Variants in USP3 observed in about 807,000 individuals in gnomAD.
USP3 encodes the protein ubiquitin carboxyl-terminal hydrolase 3.
A neutral mutation model predicts 72.3 loss-of-function variants in USP3; 20 were observed. That is an observed-to-expected ratio of 0.28 (90% CI 0.19 to 0.40). USP3 has a LOEUF of 0.40. Among genes scored for constraint, USP3 ranks in the 10% least tolerant of loss-of-function variants. USP3 has a pLI of 1.00. For missense variants in USP3, 479 were observed against 633.9 expected, an observed-to-expected ratio of 0.76 and a Z score of 2.62; for synonymous variants, 222 against 225.3, an observed-to-expected ratio of 0.99 and a Z score of 0.13.
intron 1 of USP3, among the ~76,000 whole-genome samples, chr15:63,512,585 C>T (rs1218249250): frequency 6.6e-6 from 1 of 152,058 alleles, no homozygotes; most frequent in Non-Finnish European, 1.5e-5. Flanking sequence ...GTTGGAATTA[C>T]AGGCAGCCAC....
intron 2 of USP3, 58 bp from the exon 3 acceptor site, chr15:63,536,967 C>G (rs1240010935): frequency 2.0e-6 from 3 of 1,516,562 alleles, no homozygotes; most frequent in South Asian, 1.3e-5. Flanking sequence ...TCATCATTTC[C>G]TACTCCTTTA....
At chr15:63,518,771 C>T (rs1211826398) in intron 1 of USP3, among the ~76,000 whole-genome samples, 1 of 151,766 alleles carries the variant, frequency 6.6e-6, no homozygotes, top group Non-Finnish European at 1.5e-5. Context: ...AAGAACAGGT[C>T]TCTTTTTTTT....
chr15:63,507,240 G>A (rs539186660), intron 1 of USP3, among the ~76,000 whole-genome samples: 3 of 152,252 alleles, frequency 2.0e-5, no homozygotes, highest in South Asian at 4.1e-4. Context: ...TAATGCCCTT[G>A]CCTTATTTTC....
intron 5 of USP3, among the ~76,000 whole-genome samples, chr15:63,557,734 A>G (rs966035658): frequency 5.9e-5 from 9 of 152,200 alleles, no homozygotes; most frequent in African/African-American, 2.2e-4. Flanking sequence ...TGGGGTGTAT[A>G]TATTTATATT....
At chr15:63,545,416 A>G (rs1187192630) in intron 3 of USP3, among the ~76,000 whole-genome samples, 2 of 152,178 alleles carry the variant, frequency 1.3e-5, no homozygotes, top group East Asian at 1.9e-4. Flanking sequence ...ATTTGGCTCA[A>G]TGAATTTGGA....
chr15:63,519,443 T>A lies in USP3; in HGVS notation c.92-13204T>A, dbSNP rs530571976. On this transcript the variant is annotated intron_variant, in intron 1 of 14. Coordinates refer to ENST00000380324, the MANE Select transcript of USP3 (RefSeq NM_006537.4). ...TGAGTTTTCAGAGGTTTCTTCATGGTTAGATTCAGGTAATGCATTTTTGGT... is the reference window on the plus strand; with the variant it reads ...TGAGTTTTCAGAGGTTTCTTCATGGATAGATTCAGGTAATGCATTTTTGGT... Among the ~76,000 whole-genome samples, 54 of 152,294 alleles carry A rather than the reference T, an allele frequency of 3.5e-4. 1 individual carries two copies. In the East Asian group the frequency reaches 0.01, roughly 28 times the overall value.
At chr15:63,556,051 A>G (rs1359978532) in intron 4 of USP3, among the ~76,000 whole-genome samples, 1 of 152,198 alleles carries the variant, frequency 6.6e-6, no homozygotes, top group African/African-American at 2.4e-5. Flanking sequence ...TTTAAGCAAA[A>G]TATTTCTTAC....
intron 3 of USP3, among the ~76,000 whole-genome samples, chr15:63,545,633 A>G (rs1227804684): frequency 2.0e-5 from 3 of 151,522 alleles, no homozygotes; most frequent in Non-Finnish European, 4.4e-5. Flanking sequence ...CTTTCTTTCT[A>G]TTAAATATAG....
At chr15:63,532,839 C>T in intron 2 of USP3, 132 bp downstream of exon 2, 1 of 913,536 alleles carries the variant, frequency 1.1e-6, no homozygotes, top group South Asian at 1.6e-5. Context: ...TGTAGGGCTT[C>T]CTTCTCCAGT....
chr15:63,552,534 G>A (rs956637021), intron 3 of USP3, among the ~76,000 whole-genome samples: 2 of 152,078 alleles, frequency 1.3e-5, no homozygotes, highest in African/African-American at 4.8e-5. Flanking sequence ...TTAGACGCTC[G>A]GAGAATATGT....
chr15:63,593,540 C>A lies in USP3; in HGVS notation c.*2714C>A, dbSNP rs2067241396. On this transcript the variant is annotated 3_prime_UTR_variant, in exon 15 of 15. Transcript: ENST00000380324. ...CTACTTTGTCGGGCAGAGTGGTCTT[C>A]AGACAGGTGATGCTGTTGGCTTAAG... 1 of 152,242 alleles carries A rather than the reference C, an allele frequency of 6.6e-6. No individual in the cohort carries two copies. The highest frequency in any genetic ancestry group is 2.4e-5 in the African/African-American group (1 of 41,466). The allele number at this position is 152,242 out of a possible 1,614,324, so 9.4% of individuals were successfully genotyped here.
intron 6 of USP3, 90 bp downstream of exon 6, chr15:63,558,278 CAT>C: frequency 7.0e-7 from 1 of 1,425,630 alleles, no homozygotes; most frequent in Non-Finnish European, 9.8e-7. Flanking sequence ...TAACTCTAGT[CAT>C]ATGGTTTGGA....
Position 63,584,098 on chromosome 15 carries a change from T to G in USP3, c.1097-4207T>G, listed in dbSNP as rs77269983. The stretch of plus-strand genomic sequence containing the variant: ...AGCAAGGTACAACGGTTTTGTTTTT[T>G]TTTTTTTTTTTTTTTTTGAGATGGA... On this transcript the variant is annotated intron_variant, in intron 11 of 14. Transcript: ENST00000380324. 3.5e-3 allele frequency among the ~76,000 whole-genome samples: 488 copies of G among 140,420 alleles called. 2 individuals are homozygous for G. Among genetic ancestry groups the G allele is most frequent in the African/African-American group, 0.012 (428 of 35,900 alleles). The allele number at this position is 140,420 out of a possible 152,430, so 92.1% of individuals were successfully genotyped here. A position where few individuals can be genotyped will look rare whatever the true frequency, so the allele number is the denominator to read the frequency against.
chr15:63,548,961 C>G (rs1409642329), intron 3 of USP3, among the ~76,000 whole-genome samples: 4 of 152,052 alleles, frequency 2.6e-5, no homozygotes, highest in Non-Finnish European at 1.5e-5. Flanking sequence ...CCTACATTAG[C>G]AGTGTTATAT....
At chr15:63,557,131 C>T (rs1290615821) in intron 5 of USP3, among the ~76,000 whole-genome samples, 5 of 152,224 alleles carry the variant, frequency 3.3e-5, no homozygotes, top group South Asian at 4.1e-4. Flanking sequence ...AGTACAGTGG[C>T]GCAGTCTCGG....
At chr15:63,578,285 A>G (rs4984302) in intron 11 of USP3, among the ~76,000 whole-genome samples, 121,649 of 151,746 alleles carry the variant, frequency 0.8, 50,570 homozygotes, top group Non-Finnish European at 0.86. Context: ...AAAACAAAGA[A>G]AAGAAAAAAC....
At chr15:63,577,919 A>G (rs1162174965) in intron 11 of USP3, among the ~76,000 whole-genome samples, 1 of 116,896 alleles carries the variant, frequency 8.6e-6, no homozygotes, top group African/African-American at 3.5e-5. Context: ...AGAGAGTGAG[A>G]CCCTGCCTCA....
chr15:63,539,026 T>C lies in USP3; in HGVS notation c.284+1870T>C, dbSNP rs764216086. Among the ~76,000 whole-genome samples, 65 of 152,146 alleles carry C rather than the reference T, an allele frequency of 4.3e-4. 1 individual carries two copies. The highest frequency in any genetic ancestry group is 9.8e-4 in the Admixed American group (15 of 15,268). On this transcript the variant is annotated intron_variant, in intron 3 of 14. Coordinates refer to ENST00000380324, the MANE Select transcript of USP3 (RefSeq NM_006537.4). ...CAAAGGTTAGTGCTCAGTTTATTGT[T>C]ATTTGCTGTTGTGAAACACACCTAC...
At chr15:63,524,720 C>A (rs2065958276) in intron 1 of USP3, among the ~76,000 whole-genome samples, 1 of 152,146 alleles carries the variant, frequency 6.6e-6, no homozygotes, top group South Asian at 2.1e-4. Context: ...CTTCTCTCAG[C>A]ATGTTGGTCT....
Sources: gnomAD v4.1 joint callset for allele counts (sites outside exome capture counted in the v4.1 genomes callset) on GRCh38, gnomAD v4.1.1 for gene constraint, MANE v1.5 for transcripts, NCBI Gene and HGNC (gene_info 2026-07-23, HGNC 2026-07-21) for gene names.